PKD1L1: variants seen among roughly 807,000 people sequenced by gnomAD.
PKD1L1 encodes polycystin 1 like 1, transient receptor potential channel interacting.
In PKD1L1, 236 loss-of-function variants were observed where a neutral mutation model predicts 323.4. The observed-to-expected ratio is 0.73, with a 90% CI of 0.66 to 0.81. The LOEUF (loss-of-function observed/expected upper bound fraction) is 0.81, where lower values mean the gene tolerates loss of function less well. PKD1L1 is among the 40% of genes least tolerant of loss of function. The pLI is 0.00. For synonymous variants in PKD1L1, 1,344 were observed against 1,335.0 expected (o/e 1.01, Z -0.15); for missense variants, 3,320 against 3,508.0 (o/e 0.95, Z 1.35).
chr7:47,899,401 A>T (rs572388923), intron 13 of PKD1L1, among the ~76,000 whole-genome samples: 2 of 144,274 alleles, frequency 1.4e-5, no homozygotes, highest in African/African-American at 2.5e-5. Context: ...TAATAAGCCA[A>T]TGAGGATGAG....
chr7:47,862,357 G>T (rs1470833404), intron 26 of PKD1L1, among the ~76,000 whole-genome samples: 1 of 152,110 alleles, frequency 6.6e-6, no homozygotes, highest in Non-Finnish European at 1.5e-5. Flanking sequence ...TTGTTGGAGT[G>T]GAGCAGCCTG....
At chr7:47,811,440 C>T (rs758237083) in intron 50 of PKD1L1, among the ~76,000 whole-genome samples, 1 of 152,172 alleles carries the variant, frequency 6.6e-6, no homozygotes, top group Non-Finnish European at 1.5e-5. Flanking sequence ...CAGGCATAAG[C>T]CACCGCGCCT....
intron 45 of PKD1L1, among the ~76,000 whole-genome samples, chr7:47,821,997 C>A (rs1178759507): frequency 6.6e-6 from 1 of 152,132 alleles, no homozygotes; most frequent in Non-Finnish European, 1.5e-5. Context: ...CCCCCAGCAC[C>A]ATTTTTAAAA....
chr7:47,879,730 G>A (rs1256164501), intron 21 of PKD1L1, among the ~76,000 whole-genome samples: 3 of 147,716 alleles, frequency 2.0e-5, no homozygotes, highest in South Asian at 2.2e-4. Context: ...TCAGGAGATC[G>A]AGACCATCCT....
the PKD1L1 span, among the ~76,000 whole-genome samples, chr7:47,959,526 A>T: frequency 1.4e-5 from 2 of 147,638 alleles, no homozygotes; most frequent in East Asian, 4.0e-4. Flanking sequence ...CCCGTCTGGG[A>T]GGTGAGGAGC....
intron 16 of PKD1L1, among the ~76,000 whole-genome samples, chr7:47,889,161 G>A (rs2128748389): frequency 6.6e-6 from 1 of 152,186 alleles, no homozygotes; most frequent in African/African-American, 2.4e-5. Flanking sequence ...ACGGACATGG[G>A]CAAAGAGAGG....
chr7:47,854,022 G>A (rs181541868), intron 30 of PKD1L1, among the ~76,000 whole-genome samples: 1 of 152,284 alleles, frequency 6.6e-6, no homozygotes, highest in Admixed American at 6.5e-5. Context: ...AAATTCCTCA[G>A]AACTGATTTA....
At chr7:47,886,568 C>T (rs183876460) in intron 17 of PKD1L1, among the ~76,000 whole-genome samples, 15 of 152,224 alleles carry the variant, frequency 9.9e-5, no homozygotes, top group Middle Eastern at 3.4e-3. Flanking sequence ...GTGCCCTCCT[C>T]GCTGTAATGA....
chr7:47,850,330 A>G (rs1232620318), intron 31 of PKD1L1, among the ~76,000 whole-genome samples: 1 of 152,192 alleles, frequency 6.6e-6, no homozygotes, highest in Admixed American at 6.5e-5. Context: ...TTCAAAACAT[A>G]AATTAATGTT....
At chr7:47,907,894 T>C (rs1256331762) in intron 9 of PKD1L1, among the ~76,000 whole-genome samples, 183 bp downstream of exon 9, 1 of 152,242 alleles carries the variant, frequency 6.6e-6, no homozygotes, top group African/African-American at 2.4e-5. Flanking sequence ...TATGACTTTA[T>C]CTTCATGTTC....
chr7:47,832,959 T>C, intron 41 of PKD1L1, 131 bp downstream of exon 41: 1 of 1,268,092 alleles, frequency 7.9e-7, no homozygotes, highest in Non-Finnish European at 1.1e-6. Context: ...GGCCCATGCC[T>C]GGTTTTTAGA....
intron 3 of PKD1L1, among the ~76,000 whole-genome samples, chr7:47,937,258 G>GT (rs1491285205): frequency 1.2e-5 from 1 of 80,286 alleles, no homozygotes; most frequent in Non-Finnish European, 2.5e-5. Flanking sequence ...CGGGGTGGGG[G>GT]TGGGGGGGGG....
chr7:47,879,668 T>C, intron 21 of PKD1L1, among the ~76,000 whole-genome samples: 2 of 131,682 alleles, frequency 1.5e-5, no homozygotes, highest in African/African-American at 3.0e-5. Context: ...GCACGGTGGC[T>C]CACGCCTGTA....
chr7:47,809,273 G>C (rs2128728665), intron 51 of PKD1L1, 200 bp downstream of exon 51: 1 of 467,558 alleles, frequency 2.1e-6, no homozygotes, highest in East Asian at 3.6e-5. Context: ...TGAAATTCGT[G>C]TGGTACATGA....
intron 8 of PKD1L1, among the ~76,000 whole-genome samples, chr7:47,909,867 T>C (rs575795064): frequency 1.3e-5 from 2 of 152,242 alleles, no homozygotes; most frequent in South Asian, 4.1e-4. Flanking sequence ...GGAAGAATAG[T>C]GAACATGGTA....
At chr7:47,855,090 A>C in intron 29 of PKD1L1, 51 bp from the exon 30 acceptor site, 1 of 1,608,586 alleles carries the variant, frequency 6.2e-7, no homozygotes, top group East Asian at 2.2e-5. Context: ...TGGTAAAATA[A>C]ACACATTAAA....
rs139711638 is a variant in PKD1L1, at chr7:47,784,909, A to G, written c.8526+7718T>C. ...AGCATTTTCCCATGCTTGCTTTATT[A>G]GTTGCCCTTTTCTATCCATATACAT... On this transcript the variant is annotated intron_variant, in intron 56 of 56. Coordinates refer to ENST00000289672, the MANE Select transcript of PKD1L1 (RefSeq NM_138295.5). 1.8e-3 allele frequency among the ~76,000 whole-genome samples: 278 copies of G among 152,270 alleles called. 1 individual carries two copies. The highest frequency in any genetic ancestry group is 6.4e-3 in the African/African-American group (266 of 41,560).
chr7:47,888,912 G>A (rs74466819), intron 16 of PKD1L1, among the ~76,000 whole-genome samples: 8,007 of 152,164 alleles, frequency 0.053, 539 homozygotes, highest in African/African-American at 0.16. Flanking sequence ...TAAAAGGCCA[G>A]GTCGGTAGAT....
intron 56 of PKD1L1, 93 bp downstream of exon 56, chr7:47,792,534 C>A (rs186194893): frequency 1.6e-4 from 197 of 1,250,510 alleles, no homozygotes; most frequent in Non-Finnish European, 6.4e-5. Context: ...TGCAAATGGA[C>A]CTTATAATTT....
Sources: gnomAD v4.1 joint callset for allele counts (sites outside exome capture counted in the v4.1 genomes callset) on GRCh38, gnomAD v4.1.1 for gene constraint, MANE v1.5 for transcripts, NCBI Gene and HGNC (gene_info 2026-07-23, HGNC 2026-07-21) for gene names.